The following MSL2 variants were observed in gnomAD, a reference collection of about 807,000 sequenced individuals.
The protein encoded by MSL2 is MSL complex subunit 2.
In MSL2, 2 loss-of-function variants were observed where a neutral mutation model predicts 35.8. That is an observed-to-expected ratio of 0.06 (90% CI 0.02 to 0.18). The LOEUF (loss-of-function observed/expected upper bound fraction) is 0.18. MSL2 is among the 10% of genes least tolerant of loss of function. The pLI is 1.00. For synonymous variants in MSL2, 296 were observed against 255.7 expected (o/e 1.16, Z -1.50); for missense variants, 523 against 706.7 (o/e 0.74, Z 2.95).
rs1940811489 is a variant in MSL2, at chr3:136,195,487, G to A, written c.-374C>T. On this transcript the variant is annotated 5_prime_UTR_variant, in exon 1 of 2. Coordinates refer to ENST00000309993, the MANE Select transcript of MSL2 (RefSeq NM_018133.4). ...CACTCGAGCTCCATCTCCGGACACG[G>A]AGGCGCCTCCTCAAGTCGAGCTGGC... 1.5e-5 allele frequency: 15 copies of A among 1,016,948 alleles called. No individual in the cohort carries two copies. Among genetic ancestry groups the A allele is most frequent in the South Asian group, 3.9e-5 (1 of 25,572 alleles). The allele number at this position is 1,016,948 out of a possible 1,614,324, so 63.0% of individuals were successfully genotyped here. A position where few individuals can be genotyped will look rare whatever the true frequency, so the allele number is the denominator to read the frequency against.
Position 136,195,125 on chromosome 3 carries a change from C to G in MSL2, c.-12G>C. 2 of 1,586,378 alleles carry G rather than the reference C, an allele frequency of 1.3e-6. No homozygotes were observed. The highest frequency in any genetic ancestry group is 1.7e-6 in the Non-Finnish European group (2 of 1,166,912). On this transcript the variant is annotated 5_prime_UTR_variant, in exon 1 of 2. Transcript: ENST00000309993. Reference sequence around the variant, plus strand: ...TTCACGGGGTTCATTGCAGACACTTCGACACCAATGGCTCCCGGTTGAAAA... The same window carrying G: ...TTCACGGGGTTCATTGCAGACACTTGGACACCAATGGCTCCCGGTTGAAAA...
intron 1 of MSL2, among the ~76,000 whole-genome samples, chr3:136,155,123 C>A (rs1340119078): frequency 6.6e-6 from 1 of 151,774 alleles, no homozygotes; most frequent in East Asian, 1.9e-4. Context: ...GCAGGACAAT[C>A]GCTTGAACCC....
intron 1 of MSL2, among the ~76,000 whole-genome samples, chr3:136,186,291 C>T (rs1940521299): frequency 2.0e-5 from 3 of 152,160 alleles, no homozygotes; most frequent in Admixed American, 6.6e-5. Flanking sequence ...TCAAGCATCT[C>T]GCTTGAATAC....
chr3:136,192,713 G>A (rs1940725158), intron 1 of MSL2, among the ~76,000 whole-genome samples: 1 of 152,200 alleles, frequency 6.6e-6, no homozygotes, highest in Admixed American at 6.5e-5. Context: ...CAAATCTACA[G>A]GACGTGTTGA....
intron 1 of MSL2, among the ~76,000 whole-genome samples, chr3:136,192,274 G>A (rs921931002): frequency 7.2e-5 from 11 of 152,196 alleles, no homozygotes; most frequent in African/African-American, 2.7e-4. Context: ...CCAGGTTCAA[G>A]CAATGTCTGG....
In MSL2 at chr3:136,195,669, G is replaced by A. The variant is rs1017032375; in HGVS notation, c.-556C>T. 24 of 985,470 alleles carry A rather than the reference G, an allele frequency of 2.4e-5. No homozygotes were observed. Among genetic ancestry groups the A allele is most frequent in the Admixed American group, 6.1e-5 (1 of 16,274 alleles). 61.0% of individuals were successfully genotyped at this position (985,470 alleles called of 1,614,324 possible). On this transcript the variant is annotated 5_prime_UTR_variant, in exon 1 of 2. Coordinates refer to ENST00000309993, the MANE Select transcript of MSL2 (RefSeq NM_018133.4). ...TCCCGGATCTAGTGCAAGACGCCGC[G>A]GCGGCGACGAAGGTTGATGTTGCGG...
chr3:136,180,208 CTA>C (rs1382416748), intron 1 of MSL2, among the ~76,000 whole-genome samples: 1 of 152,092 alleles, frequency 6.6e-6, no homozygotes, highest in Non-Finnish European at 1.5e-5. Flanking sequence ...ATGTTTCCGA[CTA>C]AAATTTTTTT....
chr3:136,156,937 G>A (rs1361859581), intron 1 of MSL2, among the ~76,000 whole-genome samples: 1 of 152,150 alleles, frequency 6.6e-6, no homozygotes, highest in East Asian at 1.9e-4. Flanking sequence ...AAGAGAAAAT[G>A]TTCACAATAT....
intron 1 of MSL2, among the ~76,000 whole-genome samples, chr3:136,157,416 C>T (rs1939565954): frequency 6.6e-6 from 1 of 152,046 alleles, no homozygotes; most frequent in African/African-American, 2.4e-5. Context: ...GGCAGGAGAA[C>T]TGCTTGAACC....
In MSL2 at chr3:136,151,375, A is replaced by G. The variant is rs777878173; in HGVS notation, c.1506T>C (p.Tyr502=). ...CCAGCTTCTTCTCCCCATTGGCCAT[A>G]TAGGAGTTTTGGCAGCCACGACATA... The part of the protein sequence containing the change: ...DCICRGCQNS[Y]MANGEKKLEA... Residue 502 remains tyrosine, a synonymous_variant, in exon 2 of 2, where the codon TAT becomes TAC. Transcript: ENST00000309993. The surrounding 1 kb of genome is among the most constrained non-coding windows in gnomAD (Gnocchi z 5.2). 53 of 1,614,024 alleles carry G rather than the reference A, an allele frequency of 3.3e-5. No homozygotes were observed. The South Asian group carries it at 5.6e-4, about 17-fold the overall frequency.
chr3:136,162,200 T>G (rs1939726247), intron 1 of MSL2, among the ~76,000 whole-genome samples: 1 of 150,594 alleles, frequency 6.6e-6, no homozygotes, highest in African/African-American at 2.4e-5. Context: ...CCTCCCAAAG[T>G]GCTGGGATTA....
chr3:136,165,635 C>A (rs1259018783), intron 1 of MSL2, among the ~76,000 whole-genome samples: 1 of 152,124 alleles, frequency 6.6e-6, no homozygotes, highest in Non-Finnish European at 1.5e-5. Flanking sequence ...GAACACAATA[C>A]AAGTAACCTC....
rs138243588 is a variant in MSL2 at position 136,151,560 on chromosome 3, G to C, written c.1321C>G (p.His441Asp). The C allele has an allele frequency of 6.4e-5, 103 of 1,614,102 alleles. No individual in the cohort carries two copies. Among genetic ancestry groups the C allele is most frequent in the Non-Finnish European group, 8.1e-5 (96 of 1,180,012 alleles). Residue 441 changes from histidine to aspartate, a missense_variant, in exon 2 of 2, where the codon CAT (histidine) becomes GAT (aspartate). This residue lies in a region of MSL2 where 361 missense variants were observed against 414.6 expected (regional missense o/e 0.87). Coordinates refer to ENST00000309993, the MANE Select transcript of MSL2 (RefSeq NM_018133.4). This position sits in a 1 kb window ranked among gnomAD's most constrained non-coding sequence, Gnocchi z 5.2. The stretch of plus-strand genomic sequence containing the variant: ...GTAGGACTTCCTGGCATAAAATGAT[G>C]ACTAGGAATCTTTTCCTTTACTGCT... The part of the protein sequence containing the change: ...DKAVKEKIPS[H>D]HFMPGSPTKT...
chr3:136,169,847 A>C (rs1329122979), intron 1 of MSL2, among the ~76,000 whole-genome samples: 1 of 151,980 alleles, frequency 6.6e-6, no homozygotes, highest in Admixed American at 6.6e-5. Context: ...ACTTGAGGTC[A>C]GGAGTTCAAG....
In MSL2 at chr3:136,151,339, G is replaced by T; in HGVS notation, c.1542C>A (p.Ala514=). The part of the protein sequence containing the change: ...ANGEKKLEAF[A]VPEKALEQTR... ...TCTGCTCCAAGGCCTTTTCTGGCAC[G>T]GCAAATGCCTCCAGCTTCTTCTCCC... The change falls in exon 2 of 2, where the codon GCC becomes GCA. Residue 514 remains alanine, a synonymous_variant. Coordinates refer to ENST00000309993, the MANE Select transcript of MSL2 (RefSeq NM_018133.4). The surrounding 1 kb of genome is among the most constrained non-coding windows in gnomAD (Gnocchi z 5.2). The T allele has an allele frequency of 3.7e-6, 6 of 1,614,186 alleles. No individual in the cohort carries two copies. Among genetic ancestry groups the T allele is most frequent in the Non-Finnish European group, 5.1e-6 (6 of 1,180,034 alleles).
intron 1 of MSL2, among the ~76,000 whole-genome samples, chr3:136,190,904 C>G (rs1030067214): frequency 5.9e-5 from 9 of 152,148 alleles, no homozygotes; most frequent in African/African-American, 2.2e-4. Flanking sequence ...TTCTCTACAG[C>G]AAGGCTATCC....
rs1939295303 is a variant in MSL2, at chr3:136,149,794, A to G, written c.*1353T>C. On this transcript the variant is annotated 3_prime_UTR_variant, in exon 2 of 2. Transcript: ENST00000309993. The stretch of plus-strand genomic sequence containing the variant: ...TGCCAAATCAAAACATAACTTCAGC[A>G]TATGTCAGATCTTACTAGAGATGGT... 1 of 152,238 alleles carries G rather than the reference A, an allele frequency of 6.6e-6. No individual in the cohort carries two copies. Among genetic ancestry groups the G allele is most frequent in the South Asian group, 2.1e-4 (1 of 4,836 alleles). The allele number at this position is 152,238 out of a possible 1,614,324, so 9.4% of individuals were successfully genotyped here. A position where few individuals can be genotyped will look rare whatever the true frequency, so the allele number is the denominator to read the frequency against.
rs1939254198 is a variant in MSL2, at chr3:136,149,045, AAT to A, written c.*2100_*2101del. ...AAAACAACCTGAATTCATCATTGGCAATATTACATAACAATCAAGGCCCTCAC... is the reference window on the plus strand; with the variant it reads ...AAAACAACCTGAATTCATCATTGGCAATTACATAACAATCAAGGCCCTCAC... On this transcript the variant is annotated 3_prime_UTR_variant, in exon 2 of 2. Transcript: ENST00000309993. The A allele has an allele frequency of 6.6e-6, 1 of 152,486 alleles. No individual in the cohort carries two copies. Among genetic ancestry groups the A allele is most frequent in the Admixed American group, 6.6e-5 (1 of 15,256 alleles). The allele number at this position is 152,486 out of a possible 1,614,324, so 9.4% of individuals were successfully genotyped here.
In MSL2 at chr3:136,194,482, G is replaced by A. The variant is rs1277379103; in HGVS notation, c.142+490C>T. 3.0e-6 allele frequency: 3 copies of A among 985,230 alleles called. No individual in the cohort carries two copies. In the African/African-American group the frequency reaches 5.3e-5, roughly 17 times the overall value. The allele number at this position is 985,230 out of a possible 1,614,324, so 61.0% of individuals were successfully genotyped here. On this transcript the variant is annotated intron_variant, in intron 1 of 1. Coordinates refer to ENST00000309993, the MANE Select transcript of MSL2 (RefSeq NM_018133.4). ...CAAAGCATTTGTGGAGGAACCTGGG[G>A]CAAAGTTCCGCGCCGGGTTCTCCAG...
Sources: gnomAD v4.1 joint callset for allele counts (sites outside exome capture counted in the v4.1 genomes callset) on GRCh38, gnomAD v4.1.1 for gene constraint, gnomAD v4.1.1 regional missense constraint, Gnocchi (gnomAD v3.1) non-coding constraint, MANE v1.5 for transcripts, NCBI Gene and HGNC (gene_info 2026-07-23, HGNC 2026-07-21) for gene names.